The following HHIPL1 variants were observed in gnomAD, a reference collection of about 807,000 sequenced individuals.
HHIPL1 encodes HHIP like 1.
In HHIPL1, 43 loss-of-function variants were observed where a neutral mutation model predicts 61.8. The ratio of observed to expected loss-of-function variants is 0.70; its 90% confidence interval spans 0.55 to 0.90. The LOEUF (loss-of-function observed/expected upper bound fraction) is 0.90. Ranked by LOEUF, HHIPL1 falls within the 40% of genes least tolerant of loss-of-function variation. The probability of loss-of-function intolerance (pLI) is 0.00; values close to 1 mark genes in which losing one functional copy is unlikely to be tolerated. For synonymous variants in HHIPL1, 482 were observed against 515.8 expected, an observed-to-expected ratio of 0.93 and a Z score of 0.89; for missense variants, 1,056 against 1,157.7, an observed-to-expected ratio of 0.91 and a Z score of 1.28.
At chr14:99,617,016 C>T in the HHIPL1 span, among the ~76,000 whole-genome samples, 1 of 152,132 alleles carries the variant, frequency 6.6e-6, no homozygotes, top group African/African-American at 2.4e-5. Flanking sequence ...AAGGAGGATC[C>T]TTCCTGGGGG....
chr14:99,667,160 C>G (rs1424287914), intron 6 of HHIPL1, among the ~76,000 whole-genome samples: 1 of 152,170 alleles, frequency 6.6e-6, no homozygotes, highest in Non-Finnish European at 1.5e-5. Context: ...CATGGCTGAA[C>G]CCTCAGGATG....
In HHIPL1 at chr14:99,674,245, C is replaced by T. The variant is rs574651278; in HGVS notation, c.1814-846C>T. 1.1e-4 allele frequency among the ~76,000 whole-genome samples: 17 copies of T among 152,156 alleles called. No individual in the cohort carries two copies. In the South Asian group the frequency reaches 1.4e-3, roughly 13 times the overall value. On this transcript the variant is annotated intron_variant, in intron 8 of 8. Transcript: ENST00000330710. Reference sequence around the variant, plus strand: ...GTAATTGAACAGTCTTGGGCTGTGACGCATGGCAGTGCCCAGTGCCTGGCA... The same window carrying T: ...GTAATTGAACAGTCTTGGGCTGTGATGCATGGCAGTGCCCAGTGCCTGGCA...
At chr14:99,634,814 T>C in the HHIPL1 span, among the ~76,000 whole-genome samples, 1 of 152,210 alleles carries the variant, frequency 6.6e-6, no homozygotes, top group Non-Finnish European at 1.5e-5. Context: ...AGAGCCAGGC[T>C]GGCAGTCCGC....
chr14:99,657,732 T>C (rs1566810691), intron 3 of HHIPL1, among the ~76,000 whole-genome samples: 1 of 150,712 alleles, frequency 6.6e-6, no homozygotes, highest in South Asian at 2.1e-4. Flanking sequence ...CACACATATA[T>C]ACACACATAC....
chr14:99,613,725 A>G, the HHIPL1 span, among the ~76,000 whole-genome samples: 2 of 152,002 alleles, frequency 1.3e-5, no homozygotes, highest in Non-Finnish European at 2.9e-5. Context: ...CCTGGCCAAC[A>G]TGGTAAAATC....
chr14:99,611,194 G>T, the HHIPL1 span, among the ~76,000 whole-genome samples: 1 of 151,988 alleles, frequency 6.6e-6, no homozygotes, highest in Non-Finnish European at 1.5e-5. Flanking sequence ...CAATGGTTCA[G>T]TCATGGCTGA....
chr14:99,661,117 G>A (rs1275961240), intron 5 of HHIPL1, among the ~76,000 whole-genome samples: 1 of 118,640 alleles, frequency 8.4e-6, no homozygotes, highest in African/African-American at 3.2e-5. Context: ...CTGTCCCCAA[G>A]GGTGCTTATG....
At chr14:99,664,170 C>T (rs1013732015) in intron 6 of HHIPL1, among the ~76,000 whole-genome samples, 1 of 152,156 alleles carries the variant, frequency 6.6e-6, no homozygotes, top group East Asian at 1.9e-4. Context: ...CCAGTGGGCC[C>T]TAATGGATGC....
chr14:99,617,295 C>T, the HHIPL1 span, among the ~76,000 whole-genome samples: 1 of 152,126 alleles, frequency 6.6e-6, no homozygotes, highest in Non-Finnish European at 1.5e-5. Context: ...AACCCTTGAC[C>T]AGCTGTTAAC....
rs79722614 is a variant in HHIPL1, at chr14:99,668,620, G to A, written c.1730+317G>A. ...CCCGCCCTCCCTGCGTCTTCCTCCT[G>A]TCTAGCAGGCCCCTCATTCCTCATT... On this transcript the variant is annotated intron_variant, in intron 7 of 8. Transcript: ENST00000330710. This position sits in a 1 kb window ranked among gnomAD's most constrained non-coding sequence, Gnocchi z 4.7. Among the ~76,000 whole-genome samples, 601 of 152,196 alleles carry A rather than the reference G, an allele frequency of 3.9e-3. 28 individuals are homozygous for A. The East Asian group carries it at 0.094, about 24-fold the overall frequency.
chr14:99,672,925 A>G (rs2056340927), intron 8 of HHIPL1, among the ~76,000 whole-genome samples: 1 of 152,204 alleles, frequency 6.6e-6, no homozygotes, highest in Non-Finnish European at 1.5e-5. Context: ...CCAATTCTTC[A>G]GAGAAGCAGA....
chr14:99,656,857 AAG>A (rs2056050303), intron 2 of HHIPL1, 141 bp from the exon 3 acceptor site: 1 of 15,244 alleles, frequency 6.6e-5, no homozygotes, highest in South Asian at 5.7e-3. Flanking sequence ...GGAAGGAAGG[AAG>A]GAAGGAAGGA....
upstream of HHIPL1, among the ~76,000 whole-genome samples, chr14:99,643,224 G>A (rs2055775559): frequency 6.6e-6 from 1 of 152,038 alleles, no homozygotes; most frequent in African/African-American, 2.4e-5. Flanking sequence ...ATTTTTAGTA[G>A]AGACGAGATT....
the HHIPL1 span, among the ~76,000 whole-genome samples, chr14:99,614,705 T>C: frequency 6.6e-6 from 1 of 152,160 alleles, no homozygotes; most frequent in Non-Finnish European, 1.5e-5. Flanking sequence ...ACCTTAGAGA[T>C]CTTTCTCTAA....
chr14:99,627,370 G>A, the HHIPL1 span, among the ~76,000 whole-genome samples: 190 of 146,532 alleles, frequency 1.3e-3, no homozygotes, highest in African/African-American at 4.5e-3. This position sits in a 1 kb window ranked among gnomAD's most constrained non-coding sequence, Gnocchi z 4.4. Context: ...CCATCCATCC[G>A]TCCATCCAAC....
chr14:99,635,941 C>G, the HHIPL1 span, among the ~76,000 whole-genome samples: 1 of 152,180 alleles, frequency 6.6e-6, no homozygotes, highest in African/African-American at 2.4e-5. Context: ...GCATCGGTCT[C>G]AGAGGGTCTC....
At chr14:99,647,226 T>G (rs537770330) in intron 1 of HHIPL1, among the ~76,000 whole-genome samples, 64 of 152,320 alleles carry the variant, frequency 4.2e-4, no homozygotes, top group African/African-American at 1.4e-3. Context: ...GAGGGTGGGC[T>G]GGCCACCTTT....
Position 99,675,271 on chromosome 14 carries a change from G to T in HHIPL1, c.1994G>T (p.Ser665Ile), listed in dbSNP as rs1227201613. 4.0e-6 allele frequency: 5 copies of T among 1,253,398 alleles called. No individual in the cohort carries two copies. Among genetic ancestry groups the T allele is most frequent in the Non-Finnish European group, 5.0e-6 (5 of 1,000,146 alleles). The allele number at this position is 1,253,398 out of a possible 1,614,324, so 77.6% of individuals were successfully genotyped here. The change falls in exon 9 of 9, where the codon AGC becomes ATC. Residue 665 changes from serine to isoleucine, a missense_variant. Transcript: ENST00000330710. This position sits in a 1 kb window ranked among gnomAD's most constrained non-coding sequence, Gnocchi z 5.4. ...GRRRGRLNSASRAFRDGEVRL... is the reference protein window; with the variant it reads ...GRRRGRLNSAIRAFRDGEVRL... ...CGGCGGGGGCGGCTGAACTCGGCGAGCCGGGCGTTCCGGGATGGCGAGGTG... is the reference window on the plus strand; with the variant it reads ...CGGCGGGGGCGGCTGAACTCGGCGATCCGGGCGTTCCGGGATGGCGAGGTG...
chr14:99,638,227 G>C, the HHIPL1 span, among the ~76,000 whole-genome samples: 1 of 152,208 alleles, frequency 6.6e-6, no homozygotes, highest in Admixed American at 6.5e-5. Flanking sequence ...GCACTCACGA[G>C]ATGGGTCCTG....
Sources: allele counts gnomAD v4.1 joint callset (sites outside exome capture counted in the v4.1 genomes callset), GRCh38; gene constraint gnomAD v4.1.1; non-coding constraint Gnocchi (gnomAD v3.1); transcripts MANE v1.5; gene names NCBI Gene and HGNC (gene_info 2026-07-23, HGNC 2026-07-21).